The following SIRPD variants were observed in gnomAD, a reference collection of about 807,000 sequenced individuals.
The protein encoded by SIRPD is signal-regulatory protein delta.
SIRPD carries 21 observed loss-of-function variants against 18.0 expected under a neutral mutation model. The observed-to-expected ratio is 1.17, with a 90% CI of 0.83 to 1.68. SIRPD has a LOEUF of 1.68. SIRPD is among the 40% of genes most tolerant of loss of function. SIRPD has a pLI of 0.00. For synonymous variants in SIRPD, 106 were observed against 92.9 expected, an observed-to-expected ratio of 1.14 and a Z score of -0.81; for missense variants, 295 against 238.4, an observed-to-expected ratio of 1.24 and a Z score of -1.56.
chr20:1,551,576 G>A (rs1382292276), intron 2 of SIRPD, 115 bp downstream of exon 2: 3 of 806,480 alleles, frequency 3.7e-6, no homozygotes, highest in African/African-American at 1.7e-5. Flanking sequence ...AAGATCAAAT[G>A]TATGTTGTAC....
intron 3 of SIRPD, among the ~76,000 whole-genome samples, chr20:1,535,529 A>G (rs2090941362): frequency 1.3e-5 from 2 of 152,148 alleles, no homozygotes; most frequent in South Asian, 4.1e-4. Context: ...AGACCCAAGT[A>G]TAGTATGCTA....
At chr20:1,545,926 T>A (rs1016413753) in intron 2 of SIRPD, among the ~76,000 whole-genome samples, 13 of 152,222 alleles carry the variant, frequency 8.5e-5, no homozygotes, top group African/African-American at 2.9e-4. Flanking sequence ...AGATCCTGTT[T>A]TCGTGGGTAT....
intron 2 of SIRPD, among the ~76,000 whole-genome samples, chr20:1,543,263 G>T (rs560823706): frequency 1.3e-5 from 2 of 152,214 alleles, no homozygotes; most frequent in East Asian, 3.9e-4. Context: ...TCTGGTCCTT[G>T]GCTTTTTTGG....
At chr20:1,553,415 T>C (rs112267351) in intron 1 of SIRPD, among the ~76,000 whole-genome samples, 220 of 152,280 alleles carry the variant, frequency 1.4e-3, no homozygotes, top group Admixed American at 2.6e-3. Flanking sequence ...AGCCCTTTGT[T>C]TTGGCCCAGG....
intron 2 of SIRPD, among the ~76,000 whole-genome samples, chr20:1,543,685 C>T (rs1185496955): frequency 2.0e-5 from 3 of 152,084 alleles, no homozygotes; most frequent in Non-Finnish European, 2.9e-5. Context: ...TTTGCTCTAG[C>T]TTCTCTAGTT....
chr20:1,542,053 A>T (rs1285370952), intron 2 of SIRPD, among the ~76,000 whole-genome samples: 1 of 152,176 alleles, frequency 6.6e-6, no homozygotes, highest in African/African-American at 2.4e-5. Context: ...ACTGTAGTAC[A>T]GTTTGAAGTC....
intron 2 of SIRPD, among the ~76,000 whole-genome samples, chr20:1,544,438 CTTTT>C (rs57088454): frequency 1.4e-5 from 2 of 139,982 alleles, no homozygotes; most frequent in Admixed American, 7.1e-5. Context: ...GCAACAACTG[CTTTT>C]TTTTTTTTTT....
intron 2 of SIRPD, among the ~76,000 whole-genome samples, chr20:1,545,259 G>A (rs1479904158): frequency 2.0e-5 from 3 of 152,126 alleles, no homozygotes; most frequent in Non-Finnish European, 2.9e-5. Context: ...CCAATCAAAC[G>A]TAGGTTTGGT....
At chr20:1,537,052 A>T (rs1043256736) in intron 3 of SIRPD, 103 bp downstream of exon 3, 127 of 1,391,376 alleles carry the variant, frequency 9.1e-5, no homozygotes, top group Non-Finnish European at 1.2e-4. Context: ...AGGCCCTAGG[A>T]CAACAGAGAT....
chr20:1,536,514 A>C (rs930347055), intron 3 of SIRPD, among the ~76,000 whole-genome samples: 1 of 151,724 alleles, frequency 6.6e-6, no homozygotes. Flanking sequence ...GACTGTGCAG[A>C]TCATCTTTGG....
intron 2 of SIRPD, among the ~76,000 whole-genome samples, chr20:1,538,118 A>G (rs1192022993): frequency 6.6e-6 from 1 of 152,126 alleles, no homozygotes; most frequent in Non-Finnish European, 1.5e-5. Context: ...CCATGAGCTC[A>G]TCACTTCTGT....
At chr20:1,534,469 T>TAAAAC (rs780730203) in intron 3 of SIRPD, 28 bp from the exon 4 acceptor site, 3 of 1,592,066 alleles carry the variant, frequency 1.9e-6, no homozygotes, top group Non-Finnish European at 2.6e-6. Context: ...TAAAATAAAA[T>TAAAAC]AAAACATTTC....
intron 1 of SIRPD, among the ~76,000 whole-genome samples, chr20:1,557,358 G>A (rs1482106958): frequency 6.6e-6 from 1 of 152,166 alleles, no homozygotes; most frequent in African/African-American, 2.4e-5. Context: ...GACCATAGGT[G>A]TGAGTCGTTT....
intron 2 of SIRPD, among the ~76,000 whole-genome samples, chr20:1,546,126 C>T (rs574062344): frequency 1.1e-4 from 17 of 152,332 alleles, no homozygotes; most frequent in East Asian, 3.9e-4. Flanking sequence ...GCAGTCTGTC[C>T]CTTAGCAGAG....
At chr20:1,545,622 T>C (rs997168446) in intron 2 of SIRPD, among the ~76,000 whole-genome samples, 1 of 152,218 alleles carries the variant, frequency 6.6e-6, no homozygotes, top group African/African-American at 2.4e-5. Context: ...TTCTGTCAAT[T>C]CGTCAAACTC....
chr20:1,556,216 G>A lies in SIRPD; in HGVS notation c.73+1365C>T, dbSNP rs1256250597. The stretch of plus-strand genomic sequence containing the variant: ...CACACACAACTGAGATTACATAAGG[G>A]TGGGATAGTTGGGAGTCACCTTACA... On this transcript the variant is annotated intron_variant, in intron 1 of 3. Coordinates refer to ENST00000381623, the MANE Select transcript of SIRPD (RefSeq NM_178460.3). 2.0e-5 allele frequency among the ~76,000 whole-genome samples: 3 copies of A among 152,310 alleles called. No individual in the cohort carries two copies. The East Asian group carries it at 5.8e-4, about 29-fold the overall frequency.
intron 2 of SIRPD, among the ~76,000 whole-genome samples, chr20:1,542,878 T>C (rs773706153): frequency 3.6e-4 from 55 of 152,232 alleles, no homozygotes; most frequent in Admixed American, 2.6e-3. Flanking sequence ...TTTCTGCATC[T>C]ATTGAGATAA....
Position 1,537,192 on chromosome 20 carries a change from G to T in SIRPD, c.540C>A (p.Val180=). ...GCAGCCGGAGGCAGCAGCAGGGTTG[G>T]ACGAAATAGTTTGTGCTGTTTCTCT... ...LPERNSTNYF[V]QPCCCLRLLG... The change falls in exon 3 of 4, where the codon GTC becomes GTA. Residue 180 remains valine, a synonymous_variant. Transcript: ENST00000381623. The T allele has an allele frequency of 1.2e-6, 2 of 1,614,124 alleles. No individual in the cohort carries two copies. The highest frequency in any genetic ancestry group is 8.5e-7 in the Non-Finnish European group (1 of 1,180,002).
Position 1,537,283 on chromosome 20 carries a change from C to T in SIRPD, c.449G>A (p.Arg150Lys). ...CCTGGAGCCTGCTCTGCCTGCAGGT[C>T]TGTTCTTGGGAGGTCTTGGATTCTG... ...TEQNPRPPKN[R>K]PAGRAGSRAH... Residue 150 changes from arginine to lysine, a missense_variant, in exon 3 of 4, where the codon AGA becomes AAA. Physicochemically the swap from Arg to Lys is conservative, Grantham distance 26 (BLOSUM62 2). Coordinates refer to ENST00000381623, the MANE Select transcript of SIRPD (RefSeq NM_178460.3). The T allele has an allele frequency of 6.2e-7, 1 of 1,614,074 alleles. No individual in the cohort carries two copies. Among genetic ancestry groups the T allele is most frequent in the Non-Finnish European group, 8.5e-7 (1 of 1,180,002 alleles).
Sources: allele counts gnomAD v4.1 joint callset (sites outside exome capture counted in the v4.1 genomes callset), GRCh38; gene constraint gnomAD v4.1.1; transcripts MANE v1.5; gene names NCBI Gene and HGNC (gene_info 2026-07-23, HGNC 2026-07-21).